DNAH5: variants seen among roughly 807,000 people sequenced by gnomAD.
DNAH5 encodes axonemal beta dynein heavy chain 5.
In DNAH5, 372 loss-of-function variants were observed where a neutral mutation model predicts 518.2. The ratio of observed to expected loss-of-function variants is 0.72; its 90% CI spans 0.66 to 0.78. The LOEUF (loss-of-function observed/expected upper bound fraction) is 0.78, where lower values mean the gene tolerates loss of function less well. Among genes scored for constraint, DNAH5 ranks in the 30% least tolerant of loss-of-function variants. DNAH5 has a pLI of 0.00. For synonymous variants in DNAH5, 2,039 were observed against 2,025.9 expected (o/e 1.01, Z -0.17); for missense variants, 5,523 against 5,687.0 (o/e 0.97, Z 0.93).
At chr5:13,893,558 G>C (rs1266343524) in intron 16 of DNAH5, among the ~76,000 whole-genome samples, 1 of 151,762 alleles carries the variant, frequency 6.6e-6, no homozygotes, top group Non-Finnish European at 1.5e-5. Flanking sequence ...TTTTCCCCAC[G>C]CAACTCCTTC....
chr5:13,738,642 A>C (rs1283392963), intron 65 of DNAH5, among the ~76,000 whole-genome samples: 1 of 152,150 alleles, frequency 6.6e-6, no homozygotes, highest in African/African-American at 2.4e-5. Context: ...AGAGAAGGAC[A>C]GAAAAGATGG....
chr5:13,843,663 G>T (rs1340336202), intron 32 of DNAH5, among the ~76,000 whole-genome samples: 2 of 152,052 alleles, frequency 1.3e-5, no homozygotes, highest in South Asian at 2.1e-4. Flanking sequence ...GACATCCTGG[G>T]CTTCCCACAC....
chr5:13,693,741 T>C (rs77805949), intron 78 of DNAH5, among the ~76,000 whole-genome samples: 2,083 of 152,148 alleles, frequency 0.014, 40 homozygotes, highest in African/African-American at 0.048. Flanking sequence ...ACCAAGAGAA[T>C]GAGAAACCTT....
intron 22 of DNAH5, among the ~76,000 whole-genome samples, chr5:13,872,657 G>T (rs1770291376): frequency 6.6e-6 from 1 of 152,048 alleles, no homozygotes; most frequent in Admixed American, 6.6e-5. Context: ...TGACTCTCTG[G>T]CAATTGGTAA....
intron 73 of DNAH5, among the ~76,000 whole-genome samples, chr5:13,717,055 C>T (rs1579884475): frequency 6.6e-6 from 1 of 152,176 alleles, no homozygotes; most frequent in South Asian, 2.1e-4. Context: ...TCCCCACCCA[C>T]ACCCCCTGAG....
At chr5:13,821,206 G>A (rs28758509) in intron 40 of DNAH5, among the ~76,000 whole-genome samples, 1 of 151,868 alleles carries the variant, frequency 6.6e-6, no homozygotes, top group Non-Finnish European at 1.5e-5. Flanking sequence ...ATAAATATTC[G>A]ATTGAATGAA....
intron 32 of DNAH5, among the ~76,000 whole-genome samples, chr5:13,842,816 A>G (rs1445274793): frequency 1.3e-5 from 2 of 152,186 alleles, no homozygotes; most frequent in African/African-American, 4.8e-5. Context: ...TCTGCCCCCG[A>G]TTGTAGAAAC....
At chr5:13,835,233 C>T (rs748406983) in intron 35 of DNAH5, among the ~76,000 whole-genome samples, 6 of 150,724 alleles carry the variant, frequency 4.0e-5, no homozygotes, top group African/African-American at 1.5e-4. Context: ...GAGCGGAGAT[C>T]GCACCACTGT....
chr5:13,943,928 A>G (rs1362316081), intron 1 of DNAH5, among the ~76,000 whole-genome samples: 1 of 152,346 alleles, frequency 6.6e-6, no homozygotes, highest in East Asian at 1.9e-4. Context: ...GTGATTTCCA[A>G]AGGCACAGCC....
At chr5:13,907,657 G>A (rs1200194189) in intron 12 of DNAH5, among the ~76,000 whole-genome samples, 1 of 151,998 alleles carries the variant, frequency 6.6e-6, no homozygotes, top group Non-Finnish European at 1.5e-5. Context: ...ATACTATTAT[G>A]TAACTATGAC....
intron 33 of DNAH5, among the ~76,000 whole-genome samples, chr5:13,841,435 G>A (rs1380161452): frequency 6.7e-6 from 1 of 149,668 alleles, no homozygotes; most frequent in African/African-American, 2.6e-5. Flanking sequence ...AGATTGATTA[G>A]GGAAAAAACC....
At chr5:13,740,755 T>C (rs1223536559) in intron 65 of DNAH5, among the ~76,000 whole-genome samples, 2 of 152,172 alleles carry the variant, frequency 1.3e-5, no homozygotes, top group Admixed American at 6.5e-5. Flanking sequence ...TCTTCCCTTA[T>C]TCAAGTCTTC....
rs536309838 is a variant in DNAH5, at chr5:13,795,047, A to C, written c.7888-989T>G. On this transcript the variant is annotated intron_variant, in intron 47 of 78. Transcript: ENST00000265104. ...ACTGAAAGAACTGGGACACATTTAA[A>C]GCAGCGTGTAGAGGGAAATTTATAG... Among the ~76,000 whole-genome samples, 93 of 152,374 alleles carry C rather than the reference A, an allele frequency of 6.1e-4. 1 individual carries two copies. The South Asian group carries it at 0.019, about 31-fold the overall frequency.
intron 1 of DNAH5, among the ~76,000 whole-genome samples, chr5:13,963,016 T>G (rs923383445): frequency 3.9e-5 from 6 of 152,238 alleles, no homozygotes; most frequent in East Asian, 3.9e-4. Flanking sequence ...CCTGCCCAAG[T>G]GCTCCGCCAT....
At position 13,727,558 on chromosome 5, in the gene DNAH5, G is replaced by A. The variant is rs1420205236; in HGVS notation, c.11982C>T (p.Phe3994=). 1.2e-6 allele frequency: 2 copies of A among 1,613,802 alleles called. No homozygotes were observed. Among genetic ancestry groups the A allele is most frequent in the Admixed American group, 1.7e-5 (1 of 59,996 alleles). The part of the protein sequence containing the change: ...PNAYDKSLDC[F]RRLLLIRSWC... ...AGGATCTAATAAGGAGAAGACGTCT[G>A]AAGCAGTCAAGAGATTTATCATAGG... The change falls in exon 70 of 79, where the codon TTC becomes TTT. Residue 3994 remains phenylalanine, a synonymous_variant. Coordinates refer to ENST00000265104, the MANE Select transcript of DNAH5 (RefSeq NM_001369.3).
At chr5:13,754,396 C>T (rs1307009043) in intron 61 of DNAH5, 58 bp from the exon 62 acceptor site, 1 of 1,596,040 alleles carries the variant, frequency 6.3e-7, no homozygotes, top group African/African-American at 1.3e-5. Flanking sequence ...GCCACTGGCT[C>T]AAAAATATAA....
intron 30 of DNAH5, among the ~76,000 whole-genome samples, 164 bp downstream of exon 30, chr5:13,859,288 A>G (rs1580623433): frequency 1.3e-5 from 2 of 152,102 alleles, no homozygotes; most frequent in East Asian, 1.9e-4. Flanking sequence ...CCTTTCCACA[A>G]TTCCTCACTC....
At chr5:13,701,561 T>G in intron 76 of DNAH5, 125 bp from the exon 77 acceptor site, 8 of 942,234 alleles carry the variant, frequency 8.5e-6, no homozygotes, top group South Asian at 4.5e-5. Context: ...AAAAAGTCCC[T>G]AAGTCATGAA....
Position 13,814,757 on chromosome 5 carries a change from T to C in DNAH5, c.7078A>G (p.Thr2360Ala). ...GGAATCCGATCACCATTGGCAAGGG[T>C]TAGAGTTTTGTTATCATCCAAAACA... The part of the protein sequence containing the change: ...NSVLDDNKTL[T>A]LANGDRIPMA... Residue 2360 changes from threonine to alanine, a missense_variant, in exon 43 of 79, where the codon ACC (threonine) becomes GCC (alanine). Transcript: ENST00000265104. The C allele has an allele frequency of 6.2e-7, 1 of 1,614,060 alleles. No individual in the cohort carries two copies.
Sources: allele counts gnomAD v4.1 joint callset (sites outside exome capture counted in the v4.1 genomes callset), GRCh38; gene constraint gnomAD v4.1.1; transcripts MANE v1.5; gene names NCBI Gene and HGNC (gene_info 2026-07-23, HGNC 2026-07-21).